The following PDE4D variants were observed in gnomAD, a reference collection of about 807,000 sequenced individuals.
PDE4D encodes phosphodiesterase 4D, also known as 3',5'-cyclic-AMP phosphodiesterase 4D.
Under a neutral mutation model 87.4 loss-of-function variants are expected in PDE4D, and 24 were observed. That is an observed-to-expected ratio of 0.27 (90% CI 0.20 to 0.39). The LOEUF (loss-of-function observed/expected upper bound fraction) is 0.39. PDE4D is among the 10% of genes least tolerant of loss of function. PDE4D has a pLI of 1.00. For missense variants in PDE4D, 714 were observed against 1,041.0 expected (o/e 0.69, Z 4.32); for synonymous variants, 384 against 383.2 (o/e 1.00, Z -0.02).
intron 2 of PDE4D, among the ~76,000 whole-genome samples, chr5:60,072,091 G>C (rs1337732704): frequency 7.2e-5 from 11 of 152,088 alleles, no homozygotes; most frequent in Non-Finnish European, 1.5e-4. Flanking sequence ...TTGAGGAATT[G>C]CCACACTACT....
chr5:59,627,780 G>A (rs1016546930), intron 1 of PDE4D, among the ~76,000 whole-genome samples: 1 of 152,126 alleles, frequency 6.6e-6, no homozygotes, highest in African/African-American at 2.4e-5. Context: ...TACTTCCTGA[G>A]CATAAAATCA....
intron 1 of PDE4D, among the ~76,000 whole-genome samples, chr5:60,203,341 T>G (rs1161894328): frequency 6.6e-6 from 1 of 152,238 alleles, no homozygotes; most frequent in Non-Finnish European, 1.5e-5. Context: ...TGCAATGGAA[T>G]GAGGCTACTA....
intron 3 of PDE4D, among the ~76,000 whole-genome samples, chr5:59,968,971 T>C (rs552763689): frequency 6.0e-5 from 9 of 150,006 alleles, no homozygotes; most frequent in Admixed American, 1.4e-4. Context: ...GAGTACTGTG[T>C]TCATCAAGGA....
chr5:60,293,381 G>A (rs569805731), intron 1 of PDE4D, among the ~76,000 whole-genome samples: 100 of 152,086 alleles, frequency 6.6e-4, no homozygotes, highest in Middle Eastern at 6.8e-3. Flanking sequence ...TAGCATGGTG[G>A]CACACGCCTA....
chr5:60,325,642 T>C (rs2149852585), intron 1 of PDE4D, among the ~76,000 whole-genome samples: 1 of 152,268 alleles, frequency 6.6e-6, no homozygotes, highest in Admixed American at 6.5e-5. Flanking sequence ...TAGATTCACA[T>C]GCAGTTATAA....
At chr5:60,151,211 C>G (rs1781472172) in intron 2 of PDE4D, among the ~76,000 whole-genome samples, 1 of 152,118 alleles carries the variant, frequency 6.6e-6, no homozygotes, top group Non-Finnish European at 1.5e-5. Context: ...CTTCATAAAT[C>G]TCTTTTAGAA....
At chr5:59,763,135 A>T (rs989336569) in intron 1 of PDE4D, among the ~76,000 whole-genome samples, 2 of 151,614 alleles carry the variant, frequency 1.3e-5, no homozygotes, top group African/African-American at 4.8e-5. Flanking sequence ...GAACTGATGC[A>T]AACAATGACA....
intron 1 of PDE4D, among the ~76,000 whole-genome samples, chr5:59,878,458 G>A (rs576965906): frequency 4.6e-5 from 7 of 152,024 alleles, no homozygotes; most frequent in South Asian, 4.2e-4. Flanking sequence ...AATACTTATG[G>A]ATTTTTATTT....
At chr5:60,105,197 G>A (rs1582674278) in intron 2 of PDE4D, among the ~76,000 whole-genome samples, 1 of 152,228 alleles carries the variant, frequency 6.6e-6, no homozygotes, top group South Asian at 2.1e-4. Context: ...GCCAAGGCTT[G>A]AGAACTACGT....
At chr5:59,172,228 TAATA>T (rs1250740731) in intron 5 of PDE4D, among the ~76,000 whole-genome samples, 1 of 118,794 alleles carries the variant, frequency 8.4e-6, no homozygotes, top group Non-Finnish European at 1.6e-5. Context: ...AATAAATATA[TAATA>T]AATATGTATA....
At chr5:59,478,518 T>C (rs1204905116) in intron 1 of PDE4D, among the ~76,000 whole-genome samples, 1 of 152,142 alleles carries the variant, frequency 6.6e-6, no homozygotes. Context: ...CCACAAATCA[T>C]TGTATCTTCT....
rs538556812 is a variant in PDE4D at position 59,132,335 on chromosome 5, G to T, written c.808+48260C>A. Among the ~76,000 whole-genome samples the T allele has an allele frequency of 1.2e-4, 19 of 152,220 alleles. 1 individual carries two copies. The highest frequency in any genetic ancestry group is 1.2e-3 in the Admixed American group (19 of 15,284). On this transcript the variant is annotated intron_variant, in intron 5 of 14. Coordinates refer to ENST00000340635, the MANE Select transcript of PDE4D (RefSeq NM_001104631.2). ...TTCCCTTGGCTCTTGTCGCTAGTGG[G>T]TGGGAGACTGAACACAAGCCACATC...
chr5:59,339,806 C>A (rs1461843609), intron 1 of PDE4D, among the ~76,000 whole-genome samples: 1 of 152,108 alleles, frequency 6.6e-6, no homozygotes, highest in Non-Finnish European at 1.5e-5. Context: ...TCACTGAATT[C>A]AAAAATACTA....
At chr5:59,350,578 C>T (rs764787353) in intron 1 of PDE4D, among the ~76,000 whole-genome samples, 1 of 152,140 alleles carries the variant, frequency 6.6e-6, no homozygotes, top group East Asian at 1.9e-4. Flanking sequence ...TTCATTCATT[C>T]AATACACAAA....
intron 5 of PDE4D, among the ~76,000 whole-genome samples, chr5:59,149,453 C>G (rs1779142525): frequency 1.3e-5 from 2 of 152,134 alleles, no homozygotes; most frequent in African/African-American, 4.8e-5. Flanking sequence ...GAGAAGCTGG[C>G]TGCAGCATCA....
At chr5:59,317,083 C>A (rs574310238) in intron 1 of PDE4D, among the ~76,000 whole-genome samples, 1 of 152,286 alleles carries the variant, frequency 6.6e-6, no homozygotes, top group Admixed American at 6.5e-5. Flanking sequence ...TGAGACCTAG[C>A]AGCTGATGAC....
At chr5:59,569,675 A>G (rs1370032735) in intron 1 of PDE4D, among the ~76,000 whole-genome samples, 1 of 152,192 alleles carries the variant, frequency 6.6e-6, no homozygotes, top group African/African-American at 2.4e-5. Flanking sequence ...GTTATATTTC[A>G]GATTAGCAGC....
At chr5:59,083,520 A>G (rs1767142186) in intron 5 of PDE4D, among the ~76,000 whole-genome samples, 1 of 151,812 alleles carries the variant, frequency 6.6e-6, no homozygotes, top group Non-Finnish European at 1.5e-5. Flanking sequence ...ATATTCTAAG[A>G]TATTTGCTTA....
chr5:59,943,628 C>T (rs1473895893), intron 3 of PDE4D, among the ~76,000 whole-genome samples: 1 of 152,182 alleles, frequency 6.6e-6, no homozygotes, highest in Non-Finnish European at 1.5e-5. Flanking sequence ...TGCTTAGCCG[C>T]GCCTTTCCTT....
Sources: gnomAD v4.1 joint callset for allele counts (sites outside exome capture counted in the v4.1 genomes callset) on GRCh38, gnomAD v4.1.1 for gene constraint, MANE v1.5 for transcripts, NCBI Gene and HGNC (gene_info 2026-07-23, HGNC 2026-07-21) for gene names.